Variants in PCSK7 observed in about 807,000 individuals in gnomAD.
PCSK7 encodes lymphoma proprotein convertase.
Under a neutral mutation model 73.3 loss-of-function variants are expected in PCSK7, and 38 were observed. The observed-to-expected ratio is 0.52, with a 90% confidence interval of 0.40 to 0.68. The LOEUF (loss-of-function observed/expected upper bound fraction) is 0.68. Among genes scored for constraint, PCSK7 ranks in the 30% least tolerant of loss-of-function variants. The probability of loss-of-function intolerance (pLI) is 0.00; values close to 1 mark genes in which losing one functional copy is unlikely to be tolerated. For missense variants in PCSK7, 692 were observed against 991.5 expected (o/e 0.70, Z 4.06); for synonymous variants, 296 against 383.8 (o/e 0.77, Z 2.68).
Position 117,229,584 on chromosome 11 carries a change from T to G in PCSK7, c.261A>C (p.Gly87=). 6.2e-7 allele frequency: 1 copy of G among 1,614,094 alleles called. No individual in the cohort carries two copies. Among genetic ancestry groups the G allele is most frequent in the Non-Finnish European group, 8.5e-7 (1 of 1,180,030 alleles). ...LAQAAGLVNA[G]RIGELQGHYL... ...AGTGCCCCTGAAGCTCTCCGATGCG[T>G]CCAGCATTCACCAGCCCTGCTGCCT... Residue 87 remains glycine (G), a synonymous_variant, in exon 3 of 17, where the codon GGA becomes GGC. Transcript: ENST00000320934.
chr11:117,213,874 G>C (rs900200280), intron 12 of PCSK7: 1 of 151,558 alleles, frequency 6.6e-6, no homozygotes, highest in African/African-American at 2.4e-5. Flanking sequence ...TGGTAAATTG[G>C]AATTTTTTCA....
At chr11:117,219,280 G>A in intron 10 of PCSK7, 116 bp from the exon 11 acceptor site, 1 of 754,542 alleles carries the variant, frequency 1.3e-6, no homozygotes. Flanking sequence ...TCCCACTATG[G>A]CTACTGGGAA....
chr11:117,226,502 T>A, intron 5 of PCSK7: 1 of 162,390 alleles, frequency 6.2e-6, no homozygotes, highest in Non-Finnish European at 1.4e-5. Flanking sequence ...AAAAAATATA[T>A]ATATAGAGAG....
intron 5 of PCSK7, chr11:117,226,308 G>C (rs2032426574): frequency 2.6e-6 from 1 of 388,582 alleles, no homozygotes; most frequent in Non-Finnish European, 4.9e-6. Context: ...GCTAATTTTT[G>C]TATTTTTAGT....
chr11:117,211,325 G>C (rs2031722911), intron 12 of PCSK7: 1 of 152,118 alleles, frequency 6.6e-6, no homozygotes, highest in Admixed American at 6.6e-5. Flanking sequence ...TGGCCAGGCT[G>C]GTCTCGAACT....
At position 117,218,635 on chromosome 11, in the gene PCSK7, C is replaced by T; in HGVS notation, c.1432-67G>A. ...ATGATCACACCCACATTCTCACAAACACACACGCCCTTGTCAATACGATCT... is the reference window on the plus strand; with the variant it reads ...ATGATCACACCCACATTCTCACAAATACACACGCCCTTGTCAATACGATCT... On this transcript the variant is annotated intron_variant, in intron 11 of 16. Coordinates refer to ENST00000320934, the MANE Select transcript of PCSK7 (RefSeq NM_004716.4). This position sits in a 1 kb window ranked among gnomAD's most constrained non-coding sequence, Gnocchi z 4.0. 2 of 819,486 alleles carry T rather than the reference C, an allele frequency of 2.4e-6. No homozygotes were observed. Among genetic ancestry groups the T allele is most frequent in the Non-Finnish European group, 4.0e-6 (2 of 498,290 alleles). The allele number at this position is 819,486 out of a possible 1,614,324, so 50.8% of individuals were successfully genotyped here.
In PCSK7 at chr11:117,223,196, G is replaced by A. The variant is rs759048591; in HGVS notation, c.1155+12C>T. On this transcript the variant is annotated intron_variant, in intron 9 of 16. Coordinates refer to ENST00000320934, the MANE Select transcript of PCSK7 (RefSeq NM_004716.4). The stretch of plus-strand genomic sequence containing the variant: ...AAAGGGGCAGGCCGTGGAGGGCCCG[G>A]GAGGCACTCACAATGCTCCGAAGCA... 2.0e-6 allele frequency: 3 copies of A among 1,537,506 alleles called. No individual in the cohort carries two copies. Among genetic ancestry groups the A allele is most frequent in the East Asian group, 4.5e-5 (2 of 44,480 alleles).
intron 4 of PCSK7, among the ~76,000 whole-genome samples, chr11:117,227,791 A>G (rs756573715): frequency 1.1e-4 from 16 of 152,226 alleles, no homozygotes; most frequent in Admixed American, 4.6e-4. Flanking sequence ...AGATATGAGC[A>G]AAGGACACTG....
chr11:117,227,328 A>G lies in PCSK7; in HGVS notation c.604-6T>C. Reference sequence around the variant, plus strand: ...TCATAGCTACCCTCAGGGCTCTGAAATATTTTGGAGGTGACATGTGGTCAT... The same window carrying G: ...TCATAGCTACCCTCAGGGCTCTGAAGTATTTTGGAGGTGACATGTGGTCAT... On this transcript the variant is annotated splice_region_variant and splice_polypyrimidine_tract_variant and intron_variant, in intron 4 of 16. Coordinates refer to ENST00000320934, the MANE Select transcript of PCSK7 (RefSeq NM_004716.4). 2 of 1,612,220 alleles carry G rather than the reference A, an allele frequency of 1.2e-6. No individual in the cohort carries two copies. The highest frequency in any genetic ancestry group is 1.7e-4 in the Middle Eastern group (1 of 6,060).
At chr11:117,223,989 T>C (rs898012147) in intron 8 of PCSK7, 89 bp downstream of exon 8, 1 of 1,334,358 alleles carries the variant, frequency 7.5e-7, no homozygotes, top group Non-Finnish European at 1.1e-6. Context: ...CTCACACATT[T>C]AGACACACAC....
intron 5 of PCSK7, 51 bp from the exon 6 acceptor site, chr11:117,226,072 G>C: frequency 9.8e-7 from 1 of 1,024,098 alleles, no homozygotes; most frequent in Non-Finnish European, 1.6e-6. Context: ...TCTCCTAGCC[G>C]GGGAACTGGG....
chr11:117,211,905 G>C (rs1477178392), intron 12 of PCSK7: 4 of 152,216 alleles, frequency 2.6e-5, no homozygotes, highest in Admixed American at 2.6e-4. Context: ...ATAGGTTTGA[G>C]ACGAGGATTA....
chr11:117,215,835 A>G (rs493173), intron 12 of PCSK7: 139,883 of 151,878 alleles, frequency 0.92, 64,631 homozygotes, highest in East Asian at 1. Flanking sequence ...ATTATAGGCT[A>G]GGTATGAGCT....
At chr11:117,210,783 A>T (rs755149038) in intron 12 of PCSK7, 3 of 152,220 alleles carry the variant, frequency 2.0e-5, no homozygotes, top group Non-Finnish European at 4.4e-5. Context: ...AAAAAATAAA[A>T]AATTAGCTGG....
intron 12 of PCSK7, chr11:117,210,501 G>C (rs886656962): frequency 6.6e-6 from 1 of 152,036 alleles, no homozygotes; most frequent in African/African-American, 2.4e-5. Flanking sequence ...TAGGACTACA[G>C]GTGCACGCCA....
At chr11:117,220,741 T>G (rs2032159339) in intron 9 of PCSK7, 1 of 152,324 alleles carries the variant, frequency 6.6e-6, no homozygotes, top group South Asian at 2.1e-4. Flanking sequence ...CGACAGGGGC[T>G]GGAATGATGT....
intron 10 of PCSK7, 106 bp downstream of exon 10, chr11:117,219,485 G>A (rs1324190645): frequency 4.5e-6 from 5 of 1,104,088 alleles, no homozygotes; most frequent in Non-Finnish European, 5.3e-6. Flanking sequence ...GACTCTGAAA[G>A]AGACTTAGTA....
chr11:117,229,991 G>C, intron 2 of PCSK7, 135 bp from the exon 3 acceptor site: 1 of 600,346 alleles, frequency 1.7e-6, no homozygotes, highest in South Asian at 2.2e-5. Flanking sequence ...TGAAACATTT[G>C]ATCTTCTCTT....
chr11:117,206,186 C>T lies in PCSK7; in HGVS notation c.2169G>A (p.Val723=). The T allele has an allele frequency of 1.9e-6, 3 of 1,613,990 alleles. No homozygotes were observed. The highest frequency in any genetic ancestry group is 2.5e-6 in the Non-Finnish European group (3 of 1,179,936). Residue 723 remains valine (V), a synonymous_variant, in exon 17 of 17, where the codon GTG becomes GTA. Coordinates refer to ENST00000320934, the MANE Select transcript of PCSK7 (RefSeq NM_004716.4). ...AKEEGTELES[V]PLCSSKDPDE... ...CTGGATCCTTGCTGCTGCAAAGTGG[C>T]ACTGATTCTAGCTCTGTCCCTTCCT...
Sources: gnomAD v4.1 joint callset for allele counts (sites outside exome capture counted in the v4.1 genomes callset) on GRCh38, gnomAD v4.1.1 for gene constraint, Gnocchi (gnomAD v3.1) non-coding constraint, MANE v1.5 for transcripts, NCBI Gene and HGNC (gene_info 2026-07-23, HGNC 2026-07-21) for gene names.